Variants in SUCLG2 observed in about 807,000 individuals in gnomAD.
SUCLG2 encodes the protein succinate-CoA ligase GDP-forming subunit beta.
In SUCLG2, 42 loss-of-function variants were observed where a neutral mutation model predicts 47.9. The observed-to-expected ratio is 0.88, with a 90% CI of 0.69 to 1.14. SUCLG2 has a LOEUF of 1.14. Ranked by LOEUF, SUCLG2 falls within the 50% of genes most tolerant of loss-of-function variation. The probability of loss-of-function intolerance (pLI) is 0.00; values close to 1 mark genes in which losing one functional copy is unlikely to be tolerated. For synonymous variants in SUCLG2, 195 were observed against 197.3 expected (o/e 0.99, Z 0.10); for missense variants, 571 against 525.9 (o/e 1.09, Z -0.84).
At chr3:67,475,480 C>T (rs558832522) in intron 9 of SUCLG2, among the ~76,000 whole-genome samples, 2 of 152,264 alleles carry the variant, frequency 1.3e-5, no homozygotes, top group African/African-American at 2.4e-5. Flanking sequence ...CTCTAAGGGA[C>T]ATGCAGAAAT....
chr3:67,597,354 C>T (rs762735465), intron 2 of SUCLG2, among the ~76,000 whole-genome samples: 16 of 152,298 alleles, frequency 1.1e-4, no homozygotes, highest in Admixed American at 2.6e-4. Context: ...TATGTATACA[C>T]CAGAAGTCCT....
At chr3:67,562,793 A>G (rs1382409427) in intron 2 of SUCLG2, among the ~76,000 whole-genome samples, 1 of 152,202 alleles carries the variant, frequency 6.6e-6, no homozygotes, top group Non-Finnish European at 1.5e-5. Context: ...AACATCTGGC[A>G]CATAGTTAAA....
intron 10 of SUCLG2, among the ~76,000 whole-genome samples, chr3:67,383,387 G>A (rs887226902): frequency 6.6e-6 from 1 of 152,100 alleles, no homozygotes; most frequent in Admixed American, 6.6e-5. Flanking sequence ...CAGCTTTGAG[G>A]CTTTAGATTT....
chr3:67,459,177 T>C (rs1454187854), intron 9 of SUCLG2, among the ~76,000 whole-genome samples: 1 of 152,226 alleles, frequency 6.6e-6, no homozygotes, highest in Non-Finnish European at 1.5e-5. Flanking sequence ...ATCACAGTTT[T>C]ACGTTTTCCT....
Position 67,436,297 on chromosome 3 carries a change from G to T in SUCLG2, c.1063-35446C>A, listed in dbSNP as rs541011877. Among the ~76,000 whole-genome samples the T allele has an allele frequency of 2.0e-5, 3 of 152,294 alleles. No individual in the cohort carries two copies. The East Asian group carries it at 5.8e-4, about 29-fold the overall frequency. ...GAAACTGAAGTAATTTAATGTTCCT[G>T]CTTTCCAGCCCTTTGCCAGACACCC... On this transcript the variant is annotated intron_variant, in intron 9 of 10. Transcript: ENST00000307227.
At chr3:67,641,320 G>T (rs1454276203) in intron 1 of SUCLG2, among the ~76,000 whole-genome samples, 8 of 152,188 alleles carry the variant, frequency 5.3e-5, no homozygotes, top group Non-Finnish European at 1.0e-4. Flanking sequence ...TAAAGCAAAA[G>T]AACTCATGGC....
At chr3:67,531,743 C>T (rs1034064335) in intron 2 of SUCLG2, among the ~76,000 whole-genome samples, 8 of 152,158 alleles carry the variant, frequency 5.3e-5, no homozygotes, top group Admixed American at 1.3e-4. Flanking sequence ...GTCAGCAAGT[C>T]AGCAGCCCAA....
intron 2 of SUCLG2, among the ~76,000 whole-genome samples, chr3:67,562,545 TG>T (rs1157135541): frequency 6.6e-6 from 1 of 152,250 alleles, no homozygotes; most frequent in Admixed American, 6.5e-5. Context: ...CCCAAAGTGC[TG>T]GGATCACAGG....
chr3:67,400,629 T>G (rs1053125861), intron 10 of SUCLG2, 102 bp downstream of exon 10: 1 of 1,484,178 alleles, frequency 6.7e-7, no homozygotes, highest in African/African-American at 1.4e-5. Context: ...CACAATCTAG[T>G]GTTTCGTTCT....
At chr3:67,641,173 G>C (rs1284719730) in intron 1 of SUCLG2, among the ~76,000 whole-genome samples, 1 of 152,062 alleles carries the variant, frequency 6.6e-6, no homozygotes, top group African/African-American at 2.4e-5. Flanking sequence ...CCTTTCCTTG[G>C]GATATTCTTC....
chr3:67,422,896 C>G (rs1703202339), intron 9 of SUCLG2, among the ~76,000 whole-genome samples: 1 of 152,068 alleles, frequency 6.6e-6, no homozygotes, highest in Non-Finnish European at 1.5e-5. Flanking sequence ...TGTGAGGACA[C>G]CCATCACATT....
intron 2 of SUCLG2, among the ~76,000 whole-genome samples, chr3:67,561,910 C>T (rs969869235): frequency 1.3e-5 from 2 of 152,174 alleles, no homozygotes; most frequent in African/African-American, 4.8e-5. Context: ...TTTGCTATTA[C>T]ACTGTAGGGT....
chr3:67,550,957 T>C (rs1706998805), intron 2 of SUCLG2, among the ~76,000 whole-genome samples: 1 of 152,190 alleles, frequency 6.6e-6, no homozygotes, highest in Non-Finnish European at 1.5e-5. Flanking sequence ...ACACAATACT[T>C]GGTGTATACT....
chr3:67,415,335 T>C (rs183543760), intron 9 of SUCLG2, among the ~76,000 whole-genome samples: 23 of 152,244 alleles, frequency 1.5e-4, no homozygotes, highest in African/African-American at 4.8e-4. Context: ...ACAACATGAA[T>C]TTACACATGA....
intron 7 of SUCLG2, among the ~76,000 whole-genome samples, chr3:67,503,180 A>T (rs1467998274): frequency 1.3e-5 from 2 of 152,220 alleles, no homozygotes; most frequent in Non-Finnish European, 2.9e-5. Flanking sequence ...TCCTTGACAG[A>T]AAAAGTTTGC....
intron 1 of SUCLG2, among the ~76,000 whole-genome samples, chr3:67,620,520 G>C (rs192421247): frequency 6.8e-6 from 1 of 146,392 alleles, no homozygotes; most frequent in African/African-American, 2.6e-5. Context: ...AGGAGGCAGA[G>C]GTTGCAGTGA....
At chr3:67,429,386 C>T (rs758125416) in intron 9 of SUCLG2, among the ~76,000 whole-genome samples, 37 of 152,244 alleles carry the variant, frequency 2.4e-4, no homozygotes, top group African/African-American at 7.0e-4. Flanking sequence ...AAATCCTTTA[C>T]GGGCAAGCAA....
intron 1 of SUCLG2, among the ~76,000 whole-genome samples, chr3:67,617,348 A>T (rs1700648224): frequency 6.6e-6 from 1 of 152,220 alleles, no homozygotes; most frequent in East Asian, 1.9e-4. Context: ...GCATGAAAAC[A>T]TGCTACAGAA....
At chr3:67,394,310 T>C in intron 10 of SUCLG2, among the ~76,000 whole-genome samples, 1 of 150,300 alleles carries the variant, frequency 6.7e-6, no homozygotes. Context: ...GAATAACCAA[T>C]ACAGAGAAGT....
Sources: gnomAD v4.1 joint callset for allele counts (sites outside exome capture counted in the v4.1 genomes callset) on GRCh38, gnomAD v4.1.1 for gene constraint, MANE v1.5 for transcripts, NCBI Gene and HGNC (gene_info 2026-07-23, HGNC 2026-07-21) for gene names.